Variants in TCL1B observed in about 807,000 individuals in gnomAD.
The protein encoded by TCL1B is TCL1 family AKT coactivator B, also known as T-cell leukemia/lymphoma protein 1B.
Under a neutral mutation model 16.9 loss-of-function variants are expected in TCL1B, and 14 were observed. That is an observed-to-expected ratio of 0.83 (90% CI 0.55 to 1.30). TCL1B has a LOEUF of 1.30. Ranked by LOEUF, TCL1B falls within the 50% of genes most tolerant of loss-of-function variation. The probability of loss-of-function intolerance (pLI) is 0.00; values close to 1 mark genes in which losing one functional copy is unlikely to be tolerated. For synonymous variants in TCL1B, 79 were observed against 66.6 expected (o/e 1.19, Z -0.91); for missense variants, 166 against 165.2 (o/e 1.00, Z -0.03).
intron 1 of TCL1B, among the ~76,000 whole-genome samples, chr14:95,688,784 G>A (rs868244371): frequency 4.6e-5 from 7 of 152,214 alleles, no homozygotes; most frequent in African/African-American, 1.4e-4. Context: ...TGCCAGTCAC[G>A]GAAGGACAGA....
At chr14:95,688,797 C>A (rs1254813587) in intron 1 of TCL1B, among the ~76,000 whole-genome samples, 2 of 152,200 alleles carry the variant, frequency 1.3e-5, no homozygotes, top group Admixed American at 1.3e-4. Context: ...AGGACAGATT[C>A]TCTTGTATGA....
At chr14:95,687,520 T>C (rs867621473) in intron 1 of TCL1B, among the ~76,000 whole-genome samples, 18 of 152,354 alleles carry the variant, frequency 1.2e-4, no homozygotes, top group Middle Eastern at 6.8e-3. Context: ...GCTCTGCTTT[T>C]GGGAACTTTG....
rs78141789 is a variant in TCL1B at position 95,689,025 on chromosome 14, G to A, written c.163-1711G>A. On this transcript the variant is annotated intron_variant, in intron 1 of 3. Transcript: ENST00000340722. ...CAGTTGGCCGGGTGCGGTGGCTCAC[G>A]CCTGTAATCCCAGCACTTTGGGGGG... Among the ~76,000 whole-genome samples, 67 of 152,250 alleles carry A rather than the reference G, an allele frequency of 4.4e-4. No homozygotes were observed. The South Asian group carries it at 0.012, about 27-fold the overall frequency.
At chr14:95,691,414 C>G in intron 3 of TCL1B, 78 bp downstream of exon 3, 2 of 1,353,714 alleles carry the variant, frequency 1.5e-6, no homozygotes, top group Non-Finnish European at 2.0e-6. Flanking sequence ...AGAAAGACGG[C>G]GTGGCCTCCT....
Position 95,690,889 on chromosome 14 carries a change from A to G in TCL1B, c.316A>G (p.Ile106Val), listed in dbSNP as rs1885870716. 9 of 1,613,932 alleles carry G rather than the reference A, an allele frequency of 5.6e-6. No individual in the cohort carries two copies. The highest frequency in any genetic ancestry group is 7.6e-6 in the Non-Finnish European group (9 of 1,179,824). Reference sequence around the variant, plus strand: ...AGCAGCGGATTCCAGTTTCTGGGAAATAGCAGACCATGGCCAGGCAAGTGT... The same window carrying G: ...AGCAGCGGATTCCAGTTTCTGGGAAGTAGCAGACCATGGCCAGGCAAGTGT... ...YRAADSSFWEIADHGQIDSME... is the reference protein window; with the variant it reads ...YRAADSSFWEVADHGQIDSME... Residue 106 changes from isoleucine (I) to valine (V), a missense_variant, in exon 2 of 4, where the codon ATA becomes GTA. Ile to Val is a conservative substitution (Grantham distance 29). Coordinates refer to ENST00000340722, the MANE Select transcript of TCL1B (RefSeq NM_004918.4).
At chr14:95,686,764 G>A in intron 1 of TCL1B, 135 bp downstream of exon 1, 6 of 1,106,236 alleles carry the variant, frequency 5.4e-6, no homozygotes, top group Non-Finnish European at 6.2e-6. Context: ...GTCTAGGAGC[G>A]CAGCAATGTC....
chr14:95,691,133 T>C (rs1885876498), intron 2 of TCL1B, 135 bp from the exon 3 acceptor site: 2 of 1,157,814 alleles, frequency 1.7e-6, no homozygotes, highest in Admixed American at 2.4e-5. Context: ...TTCCCTGGGC[T>C]AGGGAAATCC....
intron 1 of TCL1B, among the ~76,000 whole-genome samples, chr14:95,687,583 T>C (rs1337441028): frequency 6.6e-6 from 1 of 152,218 alleles, no homozygotes; most frequent in Non-Finnish European, 1.5e-5. Flanking sequence ...GTCGAATTCA[T>C]GGGTGCAGTA....
intron 2 of TCL1B, 40 bp downstream of exon 2, chr14:95,690,946 C>A: frequency 6.3e-7 from 1 of 1,599,576 alleles, no homozygotes; most frequent in Non-Finnish European, 8.5e-7. Flanking sequence ...GACAGGTGGC[C>A]CCTGGTGACT....
intron 1 of TCL1B, 35 bp downstream of exon 1, chr14:95,686,664 G>C: frequency 6.4e-7 from 1 of 1,568,938 alleles, no homozygotes. Context: ...CTGTGGGGAG[G>C]GCTGCGCACT....
intron 3 of TCL1B, 77 bp downstream of exon 3, chr14:95,691,413 G>A (rs1595341734): frequency 2.2e-6 from 3 of 1,388,322 alleles, no homozygotes; most frequent in East Asian, 4.7e-5. Flanking sequence ...CAGAAAGACG[G>A]CGTGGCCTCC....
chr14:95,687,289 G>A (rs1885781327), intron 1 of TCL1B, among the ~76,000 whole-genome samples: 1 of 152,182 alleles, frequency 6.6e-6, no homozygotes, highest in African/African-American at 2.4e-5. Flanking sequence ...CTGTAGATGA[G>A]GGCTTTAGAT....
intron 1 of TCL1B, among the ~76,000 whole-genome samples, chr14:95,690,394 C>T (rs547550992): frequency 6.6e-6 from 1 of 151,848 alleles, no homozygotes; most frequent in East Asian, 1.9e-4. Flanking sequence ...GATCCAGAGT[C>T]CATGGATATC....
At chr14:95,690,129 A>G (rs1243104899) in intron 1 of TCL1B, among the ~76,000 whole-genome samples, 1 of 152,156 alleles carries the variant, frequency 6.6e-6, no homozygotes, top group Non-Finnish European at 1.5e-5. Flanking sequence ...TAGCTTCCCG[A>G]GTAGCTGGGA....
In TCL1B at chr14:95,691,356, G is replaced by T. The variant is rs189823059; in HGVS notation, c.*15+20G>T. 6.8e-6 allele frequency: 11 copies of T among 1,610,526 alleles called. 1 individual carries two copies. The African/African-American group carries it at 1.2e-4, about 18-fold the overall frequency. On this transcript the variant is annotated intron_variant, in intron 3 of 3. Coordinates refer to ENST00000340722, the MANE Select transcript of TCL1B (RefSeq NM_004918.4). ...TGGCTGGTATGTTGGGGCCCTGTGC[G>T]TCTCAGTGTAGGGATCAGACGAAAG...
Position 95,686,513 on chromosome 14 carries a change from C to T in TCL1B, c.46C>T (p.Leu16=), listed in dbSNP as rs533239764. 11 of 1,613,430 alleles carry T rather than the reference C, an allele frequency of 6.8e-6. 1 individual carries two copies. In the South Asian group the frequency reaches 1.2e-4, roughly 18 times the overall value. The change falls in exon 1 of 4, where the codon CTG becomes TTG. Residue 16 remains leucine (L), a synonymous_variant. Coordinates refer to ENST00000340722, the MANE Select transcript of TCL1B (RefSeq NM_004918.4). ...SVRLGVPPGR[L]WIQRPGIYED... is the part of the protein sequence containing the mutation. ...GCGTCTAGGGGTGCCCCCTGGCCGT[C>T]TGTGGATCCAGAGGCCTGGCATCTA...
intron 1 of TCL1B, chr14:95,689,272 G>A (rs1885832290): frequency 6.6e-6 from 1 of 151,944 alleles, no homozygotes; most frequent in Admixed American, 6.6e-5. Flanking sequence ...GGGCGACAGA[G>A]CAAGACTCCG....
intron 1 of TCL1B, 144 bp downstream of exon 1, chr14:95,686,773 T>A (rs1196751986): frequency 9.8e-7 from 1 of 1,024,132 alleles, no homozygotes; most frequent in Non-Finnish European, 1.4e-6. Context: ...CGCAGCAATG[T>A]CCATGCCCAG....
At chr14:95,691,357 T>A (rs79081800) in intron 3 of TCL1B, 21 bp downstream of exon 3, 93,193 of 1,610,238 alleles carry the variant, frequency 0.058, 3,120 homozygotes, top group South Asian at 0.11. Flanking sequence ...GCCCTGTGCG[T>A]CTCAGTGTAG....
Sources: gnomAD v4.1 joint callset for allele counts (sites outside exome capture counted in the v4.1 genomes callset) on GRCh38, gnomAD v4.1.1 for gene constraint, MANE v1.5 for transcripts, NCBI Gene and HGNC (gene_info 2026-07-23, HGNC 2026-07-21) for gene names.